Variants in MINDY3 observed in about 807,000 individuals in gnomAD.
MINDY3 encodes the protein MINDY lysine 48 deubiquitinase 3, also known as ubiquitin carboxyl-terminal hydrolase MINDY-3.
Under a neutral mutation model 69.2 loss-of-function variants are expected in MINDY3, and 38 were observed. The observed-to-expected ratio is 0.55, with a 90% CI of 0.42 to 0.72. The LOEUF (loss-of-function observed/expected upper bound fraction) is 0.72, where lower values mean the gene tolerates loss of function less well. Among genes scored for constraint, MINDY3 ranks in the 30% least tolerant of loss-of-function variants. MINDY3 has a pLI of 0.00. For missense variants in MINDY3, 522 were observed against 519.0 expected (o/e 1.01, Z -0.06); for synonymous variants, 192 against 180.1 (o/e 1.07, Z -0.53).
chr10:15,839,392 A>G (rs746292690), intron 4 of MINDY3, among the ~76,000 whole-genome samples: 4 of 151,662 alleles, frequency 2.6e-5, no homozygotes, highest in Admixed American at 6.6e-5. Flanking sequence ...TATACACACC[A>G]CATAAGCCAA....
chr10:15,858,943 G>C (rs1834884968), intron 1 of MINDY3, among the ~76,000 whole-genome samples: 1 of 152,050 alleles, frequency 6.6e-6, no homozygotes, highest in Non-Finnish European at 1.5e-5. Context: ...TGAAAAAAAA[G>C]AGCCCAAGTC....
chr10:15,806,373 G>A (rs1023323084), intron 10 of MINDY3, among the ~76,000 whole-genome samples: 1 of 152,108 alleles, frequency 6.6e-6, no homozygotes, highest in African/African-American at 2.4e-5. Context: ...CTGAAACTGT[G>A]TCTACTCAAT....
Position 15,843,404 on chromosome 10 carries a change from A to G in MINDY3, c.175-132T>C. 3 of 715,230 alleles carry G rather than the reference A, an allele frequency of 4.2e-6. 1 individual carries two copies. The highest frequency in any genetic ancestry group is 3.6e-5 in the South Asian group (2 of 55,752). The allele number at this position is 715,230 out of a possible 1,614,324, so 44.3% of individuals were successfully genotyped here. A position where few individuals can be genotyped will look rare whatever the true frequency, so the allele number is the denominator to read the frequency against. ...TTTGACTAGTTCTGTAAAGATGTCAAATGGGTTCCCCTCACATTTGACAGG... is the reference window on the plus strand; with the variant it reads ...TTTGACTAGTTCTGTAAAGATGTCAGATGGGTTCCCCTCACATTTGACAGG... On this transcript the variant is annotated intron_variant, in intron 2 of 14. Transcript: ENST00000277632.
chr10:15,846,988 G>A (rs1833895708), intron 2 of MINDY3, among the ~76,000 whole-genome samples: 2 of 152,060 alleles, frequency 1.3e-5, no homozygotes, highest in South Asian at 4.1e-4. Flanking sequence ...CTCCCAAAGT[G>A]GTAGGATTAC....
chr10:15,837,405 T>G, intron 5 of MINDY3, 87 bp from the exon 6 acceptor site: 1 of 1,238,996 alleles, frequency 8.1e-7, no homozygotes, highest in Non-Finnish European at 1.1e-6. Flanking sequence ...TTCTTATACA[T>G]TAAAACATAT....
intron 2 of MINDY3, among the ~76,000 whole-genome samples, chr10:15,846,795 C>G (rs1283364139): frequency 6.6e-6 from 1 of 150,916 alleles, no homozygotes; most frequent in Non-Finnish European, 1.5e-5. Flanking sequence ...GCAATCTCGG[C>G]TCACTGCAAC....
intron 8 of MINDY3, among the ~76,000 whole-genome samples, chr10:15,828,122 T>C (rs1370014891): frequency 3.3e-5 from 5 of 152,138 alleles, no homozygotes. Context: ...ATACATCTCA[T>C]AAAAACTTGT....
In MINDY3 at chr10:15,796,134, T is replaced by C. The variant is rs764122413; in HGVS notation, c.921A>G (p.Gln307=). Reference sequence around the variant, plus strand: ...CGTAGGTTTGAAAAACTCTTCTGGCTTGTTCTGAAGGAGCTTCAGGGGCAA... The same window carrying C: ...CGTAGGTTTGAAAAACTCTTCTGGCCTGTTCTGAAGGAGCTTCAGGGGCAA... ...ALVAPEAPSE[Q]ARRVFQTYDP... Residue 307 remains glutamine (Q), a synonymous_variant, in exon 11 of 15, where the codon CAA becomes CAG. Coordinates refer to ENST00000277632, the MANE Select transcript of MINDY3 (RefSeq NM_024948.4). 1.3e-5 allele frequency: 21 copies of C among 1,612,884 alleles called. No homozygotes were observed. The East Asian group carries it at 4.7e-4, about 36-fold the overall frequency.
At chr10:15,827,312 T>G (rs1250927287) in intron 8 of MINDY3, among the ~76,000 whole-genome samples, 1 of 151,576 alleles carries the variant, frequency 6.6e-6, no homozygotes, top group African/African-American at 2.4e-5. Flanking sequence ...AAGGCCGAGG[T>G]TGACGGATCA....
chr10:15,783,178 ACCTCCCAGTG>A (rs1475666625), intron 13 of MINDY3, among the ~76,000 whole-genome samples: 28 of 151,698 alleles, frequency 1.8e-4, no homozygotes, highest in African/African-American at 6.8e-4. Context: ...GGAGGTGGAG[ACCTCCCAGTG>A]CTGTTCAAGG....
At chr10:15,820,091 A>C (rs563710559) in intron 9 of MINDY3, among the ~76,000 whole-genome samples, 4 of 152,224 alleles carry the variant, frequency 2.6e-5, no homozygotes, top group Admixed American at 1.3e-4. Context: ...TTTAAAAAGA[A>C]AAGTAAACAA....
intron 10 of MINDY3, among the ~76,000 whole-genome samples, chr10:15,816,514 A>G (rs1714348420): frequency 1.3e-5 from 2 of 152,018 alleles, no homozygotes; most frequent in Non-Finnish European, 2.9e-5. Flanking sequence ...CTTTTATCCT[A>G]CTTACAAAAA....
chr10:15,790,230 G>A (rs1837306674), intron 11 of MINDY3, among the ~76,000 whole-genome samples: 1 of 152,078 alleles, frequency 6.6e-6, no homozygotes, highest in Non-Finnish European at 1.5e-5. Flanking sequence ...TATCAGAAAG[G>A]AATGAAGTTA....
intron 13 of MINDY3, among the ~76,000 whole-genome samples, chr10:15,785,748 A>G (rs180813069): frequency 9.3e-4 from 142 of 152,288 alleles, no homozygotes; most frequent in Admixed American, 3.1e-3. Flanking sequence ...AATCTTTTTT[A>G]ACAATTACAT....
chr10:15,783,438 G>A (rs1836706877), intron 13 of MINDY3, among the ~76,000 whole-genome samples: 1 of 152,024 alleles, frequency 6.6e-6, no homozygotes, highest in African/African-American at 2.4e-5. Context: ...TCTTTTGTTG[G>A]CCTTTTGCAC....
chr10:15,795,036 T>C (rs575892616), intron 11 of MINDY3, among the ~76,000 whole-genome samples: 79 of 151,186 alleles, frequency 5.2e-4, no homozygotes, highest in Admixed American at 4.5e-3. Flanking sequence ...TCTTCACTAG[T>C]AAAACAAAAC....
chr10:15,848,000 G>T (rs373630441), intron 1 of MINDY3, 57 bp from the exon 2 acceptor site: 71 of 1,378,878 alleles, frequency 5.1e-5, no homozygotes, highest in Non-Finnish European at 6.9e-5. Context: ...GCAGCTAAAA[G>T]AATCTTTCAT....
chr10:15,782,205 A>G lies in MINDY3; in HGVS notation c.1138T>C (p.Phe380Leu). 1.2e-6 allele frequency: 2 copies of G among 1,609,118 alleles called. No individual in the cohort carries two copies. The highest frequency in any genetic ancestry group is 1.7e-6 in the Non-Finnish European group (2 of 1,176,696). ...PDQGSSGPES[F>L]TVYHYNGLKQ... ...AATCCATTGTAGTGGTAGACAGTAA[A>G]AGATTCTGGACCACTGGAGCCCTAT... Residue 380 changes from phenylalanine to leucine, a missense_variant, in exon 14 of 15, where the codon TTT becomes CTT. Coordinates refer to ENST00000277632, the MANE Select transcript of MINDY3 (RefSeq NM_024948.4).
chr10:15,833,857 A>G (rs1832899984), intron 7 of MINDY3, 148 bp from the exon 8 acceptor site: 2 of 632,770 alleles, frequency 3.2e-6, no homozygotes, highest in Admixed American at 5.5e-5. Context: ...TCAATTTTAT[A>G]TATTCGGCCT....
Sources: gnomAD v4.1 joint callset for allele counts (sites outside exome capture counted in the v4.1 genomes callset) on GRCh38, gnomAD v4.1.1 for gene constraint, MANE v1.5 for transcripts, NCBI Gene and HGNC (gene_info 2026-07-23, HGNC 2026-07-21) for gene names.